SH3GL3: variants seen among roughly 807,000 people sequenced by gnomAD.
SH3GL3 encodes the protein SH3 domain containing GRB2 like 3, endophilin A3, also known as endophilin-A3.
SH3GL3 carries 33 observed loss-of-function variants against 47.7 expected under a neutral mutation model. The ratio of observed to expected loss-of-function variants is 0.69; its 90% CI spans 0.52 to 0.92. The LOEUF (loss-of-function observed/expected upper bound fraction) is 0.92, where lower values mean the gene tolerates loss of function less well. Ranked by LOEUF, SH3GL3 falls within the 40% of genes least tolerant of loss-of-function variation. The pLI is 0.00. For synonymous variants in SH3GL3, 155 were observed against 148.8 expected (o/e 1.04, Z -0.30); for missense variants, 363 against 417.8 (o/e 0.87, Z 1.14).
intron 1 of SH3GL3, among the ~76,000 whole-genome samples, chr15:83,539,057 T>C (rs1015627467): frequency 6.6e-6 from 1 of 152,210 alleles, no homozygotes; most frequent in African/African-American, 2.4e-5. Flanking sequence ...ATTTTGACCA[T>C]TCTGATAGTA....
intron 8 of SH3GL3, among the ~76,000 whole-genome samples, chr15:83,616,892 TAGG>T (rs1358787391): frequency 6.6e-6 from 1 of 152,062 alleles, no homozygotes; most frequent in Non-Finnish European, 1.5e-5. Flanking sequence ...TGTCCAACAA[TAGG>T]AGATTAGTTG....
chr15:83,456,636 CAG>C (rs1243590561), intron 1 of SH3GL3, among the ~76,000 whole-genome samples: 1 of 138,346 alleles, frequency 7.2e-6, no homozygotes, highest in Non-Finnish European at 1.6e-5. Context: ...TTGCGCTTCC[CAG>C]GTGAGGCAAT....
chr15:83,511,082 G>A (rs2042727146), intron 1 of SH3GL3, among the ~76,000 whole-genome samples: 1 of 152,152 alleles, frequency 6.6e-6, no homozygotes, highest in Non-Finnish European at 1.5e-5. Flanking sequence ...CATGGCACAT[G>A]TATACATATG....
chr15:83,519,676 C>T (rs904877400), intron 1 of SH3GL3, among the ~76,000 whole-genome samples: 1 of 152,136 alleles, frequency 6.6e-6, no homozygotes, highest in Non-Finnish European at 1.5e-5. Context: ...TCTAATTGCT[C>T]TGGCTAGGAC....
chr15:83,613,492 T>TTACACATG (rs1873581961), intron 8 of SH3GL3, among the ~76,000 whole-genome samples: 2 of 152,132 alleles, frequency 1.3e-5, no homozygotes, highest in Admixed American at 1.3e-4. Context: ...GAACCCAGGT[T>TTACACATG]TACACATGGA....
At chr15:83,622,251 A>G (rs2060917247), downstream of SH3GL3, among the ~76,000 whole-genome samples, 1 of 152,158 alleles carries the variant, frequency 6.6e-6, no homozygotes, top group African/African-American at 2.4e-5. Context: ...TAGGATTCTA[A>G]TCCAGTCTCC....
intron 4 of SH3GL3, among the ~76,000 whole-genome samples, chr15:83,572,201 CATTGTTTACAA>C (rs963590622): frequency 6.6e-6 from 1 of 152,190 alleles, no homozygotes; most frequent in African/African-American, 2.4e-5. Context: ...TGAATCCTTT[CATTGTTTACAA>C]AGAGATTTTA....
In SH3GL3 at chr15:83,597,026, A is replaced by G. The variant is rs368996873; in HGVS notation, c.838+8255A>G. On this transcript the variant is annotated intron_variant, in intron 8 of 8. Coordinates refer to ENST00000427482, the MANE Select transcript of SH3GL3 (RefSeq NM_003027.5). ...CTTACTCCAATTGTATTAGTTCTCT[A>G]TTGATGCTGCAATGAAATACCACAA... 9.2e-5 allele frequency among the ~76,000 whole-genome samples: 14 copies of G among 152,256 alleles called. No homozygotes were observed. In the East Asian group the frequency reaches 2.7e-3, roughly 29 times the overall value.
At chr15:83,564,061 C>CT (rs2045417688) in intron 2 of SH3GL3, among the ~76,000 whole-genome samples, 1 of 152,040 alleles carries the variant, frequency 6.6e-6, no homozygotes, top group Admixed American at 6.5e-5. Context: ...GAATTTTGGT[C>CT]TTTTTATTTA....
intron 1 of SH3GL3, among the ~76,000 whole-genome samples, chr15:83,521,025 T>C (rs1271008177): frequency 6.6e-6 from 1 of 152,232 alleles, no homozygotes; most frequent in Non-Finnish European, 1.5e-5. Flanking sequence ...AAGTGGATCA[T>C]GCACCTGGAA....
At chr15:83,456,831 C>A (rs1396710127) in intron 1 of SH3GL3, among the ~76,000 whole-genome samples, 1 of 152,158 alleles carries the variant, frequency 6.6e-6, no homozygotes, top group Non-Finnish European at 1.5e-5. Flanking sequence ...CTTGGCTCCT[C>A]CCCTCAGAAC....
At chr15:83,549,655 TTG>T (rs1452248541) in intron 1 of SH3GL3, among the ~76,000 whole-genome samples, 1 of 152,222 alleles carries the variant, frequency 6.6e-6, no homozygotes, top group East Asian at 1.9e-4. Context: ...ATCATCTGCC[TTG>T]TGTATTCAGC....
intron 1 of SH3GL3, among the ~76,000 whole-genome samples, chr15:83,549,881 G>A (rs1279096871): frequency 6.6e-6 from 1 of 152,288 alleles, no homozygotes; most frequent in East Asian, 1.9e-4. Flanking sequence ...TTGCAAGACA[G>A]AACATTTCCT....
intron 1 of SH3GL3, among the ~76,000 whole-genome samples, chr15:83,532,797 A>G (rs2043739221): frequency 6.6e-6 from 1 of 152,220 alleles, no homozygotes; most frequent in African/African-American, 2.4e-5. Context: ...TTATAATCTC[A>G]AGCTGATTGA....
At chr15:83,488,652 T>C (rs1047031409) in intron 1 of SH3GL3, among the ~76,000 whole-genome samples, 3 of 152,248 alleles carry the variant, frequency 2.0e-5, no homozygotes, top group African/African-American at 4.8e-5. Context: ...TGGAAAATTG[T>C]ATGATAAGTA....
rs1490020621 is a variant in SH3GL3 at position 83,576,662 on chromosome 15, A to T, written c.545A>T (p.Glu182Val). The change falls in exon 6 of 9, where the codon GAA becomes GTA. Residue 182 changes from glutamate (E) to valine (V), a missense_variant. By Grantham distance (121) the Glu-to-Val change is moderately radical (BLOSUM62 -2). Transcript: ENST00000427482. Reference protein sequence around the residue: ...KKRVGKIPDEEVRQAVEKFEE... With the variant: ...KKRVGKIPDEVVRQAVEKFEE... ...CGAGTAGGTAAGATACCAGACGAAG[A>T]AGTCAGACAAGCGGTAGAAAAATTT... 1 of 1,613,912 alleles carries T rather than the reference A, an allele frequency of 6.2e-7. No homozygotes were observed. Among genetic ancestry groups the T allele is most frequent in the East Asian group, 2.2e-5 (1 of 44,874 alleles).
intron 1 of SH3GL3, among the ~76,000 whole-genome samples, chr15:83,507,690 C>A (rs1022582278): frequency 6.6e-6 from 1 of 152,082 alleles, no homozygotes. Context: ...GCTGGGATTA[C>A]AGGAGTGAGC....
chr15:83,606,996 GTCTC>G (rs2060533026), intron 8 of SH3GL3, among the ~76,000 whole-genome samples: 1 of 152,184 alleles, frequency 6.6e-6, no homozygotes, highest in Admixed American at 6.5e-5. Flanking sequence ...AACAGGAAGA[GTCTC>G]TCTCTTATTT....
chr15:83,555,204 A>G lies in SH3GL3; in HGVS notation c.46-4049A>G, dbSNP rs115638949. 5.6e-3 allele frequency among the ~76,000 whole-genome samples: 845 copies of G among 152,122 alleles called. 9 individuals carry two copies. Among genetic ancestry groups the G allele is most frequent in the African/African-American group, 0.019 (797 of 41,516 alleles). ...TGACTATATAATACTTTTTGTTTCT[A>G]ATGTTTTATGTCTATCTTGAAAATT... On this transcript the variant is annotated intron_variant, in intron 1 of 8. Coordinates refer to ENST00000427482, the MANE Select transcript of SH3GL3 (RefSeq NM_003027.5).
Sources: gnomAD v4.1 joint callset for allele counts (sites outside exome capture counted in the v4.1 genomes callset) on GRCh38, gnomAD v4.1.1 for gene constraint, MANE v1.5 for transcripts, NCBI Gene and HGNC (gene_info 2026-07-23, HGNC 2026-07-21) for gene names.